The following TCF12 variants were observed in gnomAD, a reference collection of about 807,000 sequenced individuals.
TCF12 encodes the protein transcription factor 12, also known as DNA-binding protein HTF4.
In TCF12, 45 loss-of-function variants were observed where a neutral mutation model predicts 86.0. The ratio of observed to expected loss-of-function variants is 0.52; its 90% CI spans 0.41 to 0.67. The LOEUF (loss-of-function observed/expected upper bound fraction) is 0.67. Among genes scored for constraint, TCF12 ranks in the 30% least tolerant of loss-of-function variants. TCF12 has a pLI of 0.00. For missense variants in TCF12, 881 were observed against 859.9 expected, an observed-to-expected ratio of 1.02 and a Z score of -0.31; for synonymous variants, 330 against 299.6, an observed-to-expected ratio of 1.10 and a Z score of -1.05.
chr15:57,029,646 CAT>C, intron 3 of TCF12, among the ~76,000 whole-genome samples: 1 of 152,246 alleles, frequency 6.6e-6, no homozygotes, highest in African/African-American at 2.4e-5. Context: ...TAAACTTTGA[CAT>C]GTGTAGCTCT....
chr15:57,043,377 C>A (rs1446147234), intron 3 of TCF12, among the ~76,000 whole-genome samples: 1 of 152,096 alleles, frequency 6.6e-6, no homozygotes, highest in Non-Finnish European at 1.5e-5. Flanking sequence ...TTTTCCATGG[C>A]AACCGTATCA....
At chr15:57,245,028 T>A (rs188693841) in intron 13 of TCF12, among the ~76,000 whole-genome samples, 68 of 152,350 alleles carry the variant, frequency 4.5e-4, no homozygotes, top group African/African-American at 1.6e-3. Context: ...GAAAAGGCAT[T>A]TGGCAACTGG....
At chr15:57,048,293 G>A (rs12441888) in intron 3 of TCF12, among the ~76,000 whole-genome samples, 6,133 of 152,098 alleles carry the variant, frequency 0.04, 372 homozygotes, top group Admixed American at 0.17. Context: ...ACAGAGTCTC[G>A]CTGTGTCGCC....
chr15:57,154,804 TTC>T (rs1301686151), intron 5 of TCF12, among the ~76,000 whole-genome samples: 39 of 152,306 alleles, frequency 2.6e-4, no homozygotes, highest in African/African-American at 9.4e-4. Context: ...TCTAATTTTT[TTC>T]TCTTCTAATT....
intron 3 of TCF12, among the ~76,000 whole-genome samples, chr15:57,019,152 C>T (rs2065326926): frequency 6.6e-6 from 1 of 152,212 alleles, no homozygotes; most frequent in Non-Finnish European, 1.5e-5. Context: ...TGGTAGCCAG[C>T]ACTGGCTAAA....
intron 3 of TCF12, among the ~76,000 whole-genome samples, chr15:57,019,688 A>G (rs2065356252): frequency 6.6e-6 from 1 of 152,110 alleles, no homozygotes; most frequent in Non-Finnish European, 1.5e-5. Context: ...TCAGAATGAA[A>G]AATTTTGAAA....
At chr15:57,112,413 C>T (rs1373609546) in intron 5 of TCF12, among the ~76,000 whole-genome samples, 1 of 152,202 alleles carries the variant, frequency 6.6e-6, no homozygotes, top group African/African-American at 2.4e-5. Context: ...GAACACTACT[C>T]TTTGGAATGC....
chr15:56,988,617 A>G (rs754771225), intron 3 of TCF12, among the ~76,000 whole-genome samples: 10 of 151,960 alleles, frequency 6.6e-5, no homozygotes, highest in Non-Finnish European at 1.3e-4. Context: ...CATATTTAGG[A>G]TTTTGGTCAC....
intron 15 of TCF12, 96 bp downstream of exon 15, chr15:57,252,588 T>G: frequency 2.0e-6 from 2 of 998,858 alleles, no homozygotes; most frequent in Non-Finnish European, 3.0e-6. Context: ...ACTCCCATCT[T>G]TAAAAATCAA....
At chr15:56,989,316 C>G (rs929957931) in intron 3 of TCF12, among the ~76,000 whole-genome samples, 3 of 152,142 alleles carry the variant, frequency 2.0e-5, no homozygotes, top group Non-Finnish European at 4.4e-5. Context: ...CCTGCAAAGC[C>G]TAAGATATTT....
At chr15:57,197,152 C>CTTTTTTTTTTTT (rs138145337) in intron 7 of TCF12, among the ~76,000 whole-genome samples, 3,311 of 87,112 alleles carry the variant, frequency 0.038, 405 homozygotes, top group Non-Finnish European at 0.049. Flanking sequence ...AGAACAGCTT[C>CTTTTTTTTTTTT]TTTTTTTTTT....
chr15:57,164,911 C>A (rs1167726618), intron 5 of TCF12, among the ~76,000 whole-genome samples: 1 of 152,174 alleles, frequency 6.6e-6, no homozygotes, highest in Non-Finnish European at 1.5e-5. Flanking sequence ...GAACTCCTGA[C>A]CTCAGGTTAT....
intron 5 of TCF12, among the ~76,000 whole-genome samples, chr15:57,112,963 A>C (rs12439266): frequency 0.082 from 12,444 of 152,202 alleles, 875 homozygotes; most frequent in Admixed American, 0.19. Context: ...GAATACTTTA[A>C]GTTTCAATTA....
intron 3 of TCF12, among the ~76,000 whole-genome samples, chr15:56,923,806 C>T (rs1024750910): frequency 2.6e-4 from 39 of 151,846 alleles, no homozygotes; most frequent in African/African-American, 8.9e-4. Context: ...TTTTGTAAGC[C>T]ATCTGTAGAT....
intron 3 of TCF12, among the ~76,000 whole-genome samples, chr15:56,995,285 G>T (rs1433799463): frequency 1.7e-5 from 1 of 57,960 alleles, no homozygotes; most frequent in Admixed American, 2.2e-4. Context: ...GGCTATTTCG[G>T]CTCTTTTTGG....
chr15:57,195,942 T>A (rs2057243512), intron 7 of TCF12, among the ~76,000 whole-genome samples: 1 of 152,214 alleles, frequency 6.6e-6, no homozygotes, highest in Non-Finnish European at 1.5e-5. Context: ...AATTCAAGGC[T>A]GCAGTGAGCT....
intron 4 of TCF12, 51 bp downstream of exon 4, chr15:57,063,874 T>A: frequency 7.1e-7 from 1 of 1,416,960 alleles, no homozygotes; most frequent in Non-Finnish European, 9.8e-7. Flanking sequence ...GCAGACTACG[T>A]AATTTCTTTC....
chr15:57,166,603 C>A, intron 6 of TCF12, 137 bp downstream of exon 6: 1 of 677,924 alleles, frequency 1.5e-6, no homozygotes. Flanking sequence ...TTGTTTTTTG[C>A]TCTCTTTGCT....
chr15:57,274,951 C>T (rs149506616), intron 19 of TCF12, among the ~76,000 whole-genome samples: 47 of 152,236 alleles, frequency 3.1e-4, no homozygotes, highest in Non-Finnish European at 1.0e-4. Flanking sequence ...AAAACACAAA[C>T]ATAAATAAAT....
Sources: allele counts gnomAD v4.1 joint callset (sites outside exome capture counted in the v4.1 genomes callset), GRCh38; gene constraint gnomAD v4.1.1; transcripts MANE v1.5; gene names NCBI Gene and HGNC (gene_info 2026-07-23, HGNC 2026-07-21).